DLG2: variants seen among roughly 807,000 people sequenced by gnomAD.
The protein encoded by DLG2 is discs large MAGUK scaffold protein 2.
DLG2 carries 45 observed loss-of-function variants against 132.5 expected under a neutral mutation model. The ratio of observed to expected loss-of-function variants is 0.34; its 90% CI spans 0.27 to 0.44. The LOEUF (loss-of-function observed/expected upper bound fraction) is 0.44, where lower values mean the gene tolerates loss of function less well. Among genes scored for constraint, DLG2 ranks in the 20% least tolerant of loss-of-function variants. DLG2 has a pLI of 1.00. For missense variants in DLG2, 1,045 were observed against 1,196.9 expected, an observed-to-expected ratio of 0.87 and a Z score of 1.87; for synonymous variants, 424 against 419.6, an observed-to-expected ratio of 1.01 and a Z score of -0.13.
intron 3 of DLG2, among the ~76,000 whole-genome samples, chr11:85,486,744 T>C (rs1404032577): frequency 6.6e-6 from 1 of 151,924 alleles, no homozygotes; most frequent in East Asian, 1.9e-4. Flanking sequence ...GCCATCACCC[T>C]TATCACACCT....
chr11:83,761,017 T>C (rs1315275141), intron 18 of DLG2, among the ~76,000 whole-genome samples: 1 of 152,192 alleles, frequency 6.6e-6, no homozygotes, highest in Non-Finnish European at 1.5e-5. Context: ...TTTTCAGATT[T>C]ATGCTGTATA....
chr11:84,922,735 A>G (rs748779184), intron 6 of DLG2, among the ~76,000 whole-genome samples: 30 of 152,176 alleles, frequency 2.0e-4, no homozygotes, highest in Non-Finnish European at 3.7e-4. Context: ...AGACAAAATC[A>G]TAATTCAAAG....
At chr11:84,117,671 T>C (rs1198670486) in intron 9 of DLG2, among the ~76,000 whole-genome samples, 2 of 152,196 alleles carry the variant, frequency 1.3e-5, no homozygotes, top group Non-Finnish European at 2.9e-5. Context: ...TGCTGCCACA[T>C]GTATCAGTTA....
At chr11:84,006,332 C>T (rs1253001887) in intron 11 of DLG2, among the ~76,000 whole-genome samples, 3 of 151,384 alleles carry the variant, frequency 2.0e-5, no homozygotes, top group Non-Finnish European at 4.4e-5. Flanking sequence ...TTAATGGGTG[C>T]AAATACACTT....
At chr11:84,976,584 A>G (rs2154117370) in intron 6 of DLG2, among the ~76,000 whole-genome samples, 1 of 152,288 alleles carries the variant, frequency 6.6e-6, no homozygotes, top group South Asian at 2.1e-4. Context: ...GGTTTCCTCC[A>G]GCCAAAGTCA....
chr11:84,669,334 A>G (rs549827048), intron 6 of DLG2, among the ~76,000 whole-genome samples: 1 of 152,272 alleles, frequency 6.6e-6, no homozygotes, highest in African/African-American at 2.4e-5. Flanking sequence ...ATACTAAGGA[A>G]AACATTTACC....
chr11:84,038,995 T>G (rs1035426200), intron 11 of DLG2, among the ~76,000 whole-genome samples: 1 of 152,054 alleles, frequency 6.6e-6, no homozygotes, highest in African/African-American at 2.4e-5. Flanking sequence ...CCATGACACG[T>G]GGGCATTATG....
intron 6 of DLG2, among the ~76,000 whole-genome samples, chr11:84,871,954 C>A (rs903366124): frequency 1.4e-4 from 21 of 152,132 alleles, no homozygotes; most frequent in Admixed American, 1.2e-3. Flanking sequence ...GGATTTCAAG[C>A]GTGAGCCACC....
At chr11:85,260,143 G>A (rs2076868442) in intron 4 of DLG2, among the ~76,000 whole-genome samples, 1 of 152,040 alleles carries the variant, frequency 6.6e-6, no homozygotes, top group African/African-American at 2.4e-5. Flanking sequence ...TTGTAAAAAG[G>A]GGGATAAAGA....
intron 6 of DLG2, among the ~76,000 whole-genome samples, chr11:85,053,653 T>TC (rs2063137229): frequency 8.9e-6 from 1 of 112,644 alleles, no homozygotes; most frequent in African/African-American, 3.8e-5. Flanking sequence ...AAAAAAAAAA[T>TC]TAGCCTGGCG....
intron 3 of DLG2, chr11:85,525,059 A>G (rs554538051): frequency 1.3e-5 from 2 of 152,334 alleles, no homozygotes; most frequent in East Asian, 1.9e-4. Context: ...ATGTAAAATT[A>G]TAACATTTGT....
At chr11:83,855,597 T>G (rs781622941) in intron 16 of DLG2, among the ~76,000 whole-genome samples, 4 of 152,222 alleles carry the variant, frequency 2.6e-5, no homozygotes, top group Non-Finnish European at 5.9e-5. Flanking sequence ...TTATTCCAAC[T>G]ATCTGATACT....
rs56150628 is a variant in DLG2, at chr11:85,021,238, C to T, written c.357+90423G>A. On this transcript the variant is annotated intron_variant, in intron 6 of 27. Transcript: ENST00000376104. ...CTGACGTTTCGAGGGCACTACAGCC[C>T]GAGCAATAGGAGGAGGAGGAGGAGG... The T allele has an allele frequency of 5.7e-3, 7,340 of 1,282,566 alleles. 63 individuals carry two copies. Among genetic ancestry groups the T allele is most frequent in the Middle Eastern group, 0.024 (129 of 5,346 alleles). The allele number at this position is 1,282,566 out of a possible 1,614,324, so 79.4% of individuals were successfully genotyped here.
At chr11:83,512,531 A>G (rs1234693092) in intron 21 of DLG2, among the ~76,000 whole-genome samples, 1 of 151,858 alleles carries the variant, frequency 6.6e-6, no homozygotes, top group African/African-American at 2.4e-5. Flanking sequence ...CATTTTATTT[A>G]TTTATTTATT....
intron 5 of DLG2, among the ~76,000 whole-genome samples, chr11:85,146,006 G>C (rs926595544): frequency 4.6e-5 from 7 of 152,120 alleles, no homozygotes; most frequent in Admixed American, 1.3e-4. Flanking sequence ...AAATGGAATT[G>C]GGTGTGGTGA....
chr11:84,104,145 T>A (rs185804035), intron 9 of DLG2, among the ~76,000 whole-genome samples: 1 of 152,174 alleles, frequency 6.6e-6, no homozygotes, highest in African/African-American at 2.4e-5. Flanking sequence ...AAAATTGTAG[T>A]GCTTTTCAAT....
intron 11 of DLG2, among the ~76,000 whole-genome samples, chr11:84,040,604 T>G (rs1195346477): frequency 6.6e-6 from 1 of 152,114 alleles, no homozygotes; most frequent in Admixed American, 6.6e-5. Flanking sequence ...ACCAGTACCA[T>G]GCTGTTTTGG....
At position 85,095,649 on chromosome 11, in the gene DLG2, T is replaced by C. The variant is rs143331757; in HGVS notation, c.357+16012A>G. On this transcript the variant is annotated intron_variant, in intron 6 of 27. Coordinates refer to ENST00000376104, the MANE Select transcript of DLG2 (RefSeq NM_001142699.3). ...ACATCTCTACTTTCATCTTAAAGAC[T>C]CTTCAAACTTAACTTTTTCAAAATA... 2.8e-3 allele frequency among the ~76,000 whole-genome samples: 427 copies of C among 152,288 alleles called. 2 individuals are homozygous for C. Among genetic ancestry groups the C allele is most frequent in the Non-Finnish European group, 4.5e-3 (308 of 68,012 alleles).
chr11:84,808,577 T>C (rs1208721723), intron 6 of DLG2, among the ~76,000 whole-genome samples: 3 of 151,828 alleles, frequency 2.0e-5, no homozygotes, highest in African/African-American at 7.2e-5. Flanking sequence ...GCAAGACTGA[T>C]AAAGAAAAGA....
Sources: gnomAD v4.1 joint callset for allele counts (sites outside exome capture counted in the v4.1 genomes callset) on GRCh38, gnomAD v4.1.1 for gene constraint, MANE v1.5 for transcripts, NCBI Gene and HGNC (gene_info 2026-07-23, HGNC 2026-07-21) for gene names.